Variants in TSHR observed in about 807,000 individuals in gnomAD.
TSHR encodes thyroid stimulating hormone receptor, also known as thyrotropin receptor.
TSHR carries 51 observed loss-of-function variants against 64.1 expected under a neutral mutation model. The ratio of observed to expected loss-of-function variants is 0.80; its 90% CI spans 0.64 to 1.01. TSHR has a LOEUF of 1.01. Ranked by LOEUF, TSHR falls within the 50% of genes least tolerant of loss-of-function variation. The probability of loss-of-function intolerance (pLI) is 0.00; values close to 1 mark genes in which losing one functional copy is unlikely to be tolerated. For missense variants in TSHR, 877 were observed against 942.8 expected (o/e 0.93, Z 0.91); for synonymous variants, 361 against 361.9 (o/e 1.00, Z 0.03).
chr14:81,105,911 T>C (rs1889861043), intron 7 of TSHR, among the ~76,000 whole-genome samples: 1 of 152,146 alleles, frequency 6.6e-6, no homozygotes, highest in Non-Finnish European at 1.5e-5. Flanking sequence ...CTGAACTTAG[T>C]TGTCTTTTTA....
intron 7 of TSHR, 109 bp downstream of exon 7, chr14:81,096,816 AGAGT>A (rs1825444332): frequency 8.0e-7 from 1 of 1,243,136 alleles, no homozygotes; most frequent in Non-Finnish European, 1.2e-6. Context: ...CTTCCACGCC[AGAGT>A]TAGTGTGACC....
At chr14:80,958,810 T>A (rs1004156810) in intron 1 of TSHR, among the ~76,000 whole-genome samples, 3 of 152,200 alleles carry the variant, frequency 2.0e-5, no homozygotes, top group Non-Finnish European at 4.4e-5. Context: ...TACTGAGGCA[T>A]GTTCTCTCAC....
chr14:80,957,441 G>A (rs1405294121), intron 1 of TSHR, among the ~76,000 whole-genome samples: 1 of 148,050 alleles, frequency 6.8e-6, no homozygotes, highest in Non-Finnish European at 1.5e-5. Flanking sequence ...TGAAACCCTG[G>A]AACTACTTAG....
intron 1 of TSHR, among the ~76,000 whole-genome samples, chr14:80,990,740 C>T (rs1377278176): frequency 3.9e-5 from 6 of 152,244 alleles, no homozygotes; most frequent in African/African-American, 1.4e-4. Flanking sequence ...CCGCAACCTC[C>T]GCCTCCTGGG....
chr14:81,085,867 C>T (rs1389910327), intron 3 of TSHR, among the ~76,000 whole-genome samples: 1 of 152,136 alleles, frequency 6.6e-6, no homozygotes, highest in African/African-American at 2.4e-5. Flanking sequence ...AGAGAACCAC[C>T]TCAACAGAGA....
In TSHR at chr14:81,143,658, C is replaced by T. The variant is rs150602845; in HGVS notation, c.1600C>T (p.Arg534Cys). Reference sequence around the variant, plus strand: ...CGCCATGCGCCTGGACCGGAAGATCCGCCTCAGGCACGCATGTGCCATCAT... The same window carrying T: ...CGCCATGCGCCTGGACCGGAAGATCTGCCTCAGGCACGCATGTGCCATCAT... ...TFAMRLDRKI[R>C]LRHACAIMVG... The change falls in exon 10 of 10, where the codon CGC (arginine) becomes TGC (cysteine). Residue 534 changes from arginine to cysteine, a missense_variant. Coordinates refer to ENST00000298171, the MANE Select transcript of TSHR (RefSeq NM_000369.5). 2.6e-4 allele frequency: 427 copies of T among 1,614,106 alleles called. No individual in the cohort carries two copies. In the African/African-American group the frequency reaches 4.3e-3, roughly 16 times the overall value.
intron 1 of TSHR, among the ~76,000 whole-genome samples, chr14:80,960,923 T>C (rs1886988759): frequency 6.6e-6 from 1 of 152,272 alleles, no homozygotes; most frequent in South Asian, 2.1e-4. Context: ...GCTGCCAGAC[T>C]GTCTATGTGC....
intron 6 of TSHR, chr14:81,095,486 T>C (rs1889105252): frequency 6.6e-6 from 1 of 152,238 alleles, no homozygotes; most frequent in South Asian, 2.1e-4. Flanking sequence ...GGCAGGAGAA[T>C]TGCTTGAACC....
intron 9 of TSHR, among the ~76,000 whole-genome samples, chr14:81,140,734 A>G (rs1333974595): frequency 6.6e-6 from 1 of 152,114 alleles, no homozygotes; most frequent in Non-Finnish European, 1.5e-5. Context: ...GCTTCTATGT[A>G]TTTAGTGATT....
At chr14:81,095,187 C>T (rs1161245335) in intron 6 of TSHR, among the ~76,000 whole-genome samples, 1 of 152,140 alleles carries the variant, frequency 6.6e-6, no homozygotes, top group African/African-American at 2.4e-5. Context: ...CACCAATAAC[C>T]TCTTGCATTC....
chr14:80,995,987 T>C (rs1888998410), intron 1 of TSHR, among the ~76,000 whole-genome samples: 1 of 152,138 alleles, frequency 6.6e-6, no homozygotes, highest in South Asian at 2.1e-4. Context: ...AACCCCTCCA[T>C]TGTCAAGGGT....
intron 3 of TSHR, among the ~76,000 whole-genome samples, chr14:81,076,780 C>T (rs1887534810): frequency 6.6e-6 from 1 of 152,188 alleles, no homozygotes; most frequent in Admixed American, 6.5e-5. Flanking sequence ...TATATCTTAA[C>T]TGGTATTCCC....
At chr14:81,115,305 C>T (rs376427801) in intron 8 of TSHR, among the ~76,000 whole-genome samples, 2,665 of 150,800 alleles carry the variant, frequency 0.018, 37 homozygotes, top group Middle Eastern at 0.082. Context: ...GAATGTATAA[C>T]GAGAATAACC....
intron 1 of TSHR, among the ~76,000 whole-genome samples, chr14:80,973,676 C>G (rs779353963): frequency 1.3e-5 from 2 of 152,102 alleles, no homozygotes; most frequent in Non-Finnish European, 2.9e-5. Flanking sequence ...AAGGGCTTTT[C>G]TCTGTTATAA....
At chr14:81,039,978 A>G (rs1884842518) in intron 1 of TSHR, among the ~76,000 whole-genome samples, 1 of 152,060 alleles carries the variant, frequency 6.6e-6, no homozygotes, top group African/African-American at 2.4e-5. Context: ...CTAAATTCGT[A>G]TGAAGCCACA....
intron 8 of TSHR, among the ~76,000 whole-genome samples, chr14:81,135,931 TAGTG>T (rs1182439538): frequency 1.3e-5 from 2 of 152,186 alleles, no homozygotes; most frequent in African/African-American, 2.4e-5. Context: ...AGTGCAGAGA[TAGTG>T]TGGGTGGACT....
chr14:81,111,824 T>G (rs61980870), intron 8 of TSHR, among the ~76,000 whole-genome samples: 229 of 152,338 alleles, frequency 1.5e-3, no homozygotes, highest in Non-Finnish European at 2.7e-3. Flanking sequence ...TTTGTGAAAT[T>G]AATATGGTAC....
chr14:81,001,748 T>TGATTTGCCTGATTTTGAGGGGTTTTCTG (rs1431925131), intron 1 of TSHR: 1 of 384,738 alleles, frequency 2.6e-6, no homozygotes, highest in Non-Finnish European at 5.1e-6. Context: ...TTGAAATTCT[T>TGATTTGCCTGATTTTGAGGGGTTTTCTG]GATTTGCCTG....
intron 1 of TSHR, among the ~76,000 whole-genome samples, chr14:81,024,449 A>G (rs1883938633): frequency 6.6e-6 from 1 of 151,944 alleles, no homozygotes; most frequent in South Asian, 2.1e-4. Flanking sequence ...GGGTTTCACC[A>G]TTTTGGCCAG....
Sources: allele counts gnomAD v4.1 joint callset (sites outside exome capture counted in the v4.1 genomes callset), GRCh38; gene constraint gnomAD v4.1.1; transcripts MANE v1.5; gene names NCBI Gene and HGNC (gene_info 2026-07-23, HGNC 2026-07-21).